Variants in SLC34A3 observed in about 807,000 individuals in gnomAD.
SLC34A3 encodes solute carrier family 34 member 3, also known as sodium-dependent phosphate transport protein 2C.
SLC34A3 carries 60 observed loss-of-function variants against 43.9 expected under a neutral mutation model. The ratio of observed to expected loss-of-function variants is 1.37; its 90% CI spans 1.11 to 1.70. SLC34A3 has a LOEUF of 1.70. SLC34A3 is among the 40% of genes most tolerant of loss of function. SLC34A3 has a pLI of 0.00. For missense variants in SLC34A3, 969 were observed against 823.8 expected (o/e 1.18, Z -2.16); for synonymous variants, 451 against 386.2 (o/e 1.17, Z -1.97).
intron 9 of SLC34A3, 41 bp downstream of exon 9, chr9:137,233,982 C>A (rs1209665771): frequency 6.0e-6 from 9 of 1,490,890 alleles, no homozygotes; most frequent in Non-Finnish European, 8.1e-6. Flanking sequence ...ACCCCCCACA[C>A]TCCCCCTCAC....
chr9:137,233,779 T>TTTGGGC, intron 8 of SLC34A3, 57 bp downstream of exon 8: 5 of 1,445,808 alleles, frequency 3.5e-6, no homozygotes, highest in East Asian at 2.3e-5. Context: ...TGCTGAGTCA[T>TTTGGGC]CCCGCCCCAC....
rs773962161 is a variant in SLC34A3 at position 137,236,339 on chromosome 9, T to C, written c.1723T>C (p.Cys575Arg). Residue 575 changes from cysteine (C) to arginine (R), a missense_variant, in exon 13 of 13, where the codon TGC becomes CGC. Transcript: ENST00000673835. ...GACCCGCTGCTGCCCCTGCAACGTC[T>C]GCAGCCCCCCGAAGGCCACCACCAA... ...LVTRCCPCNV[C>R]SPPKATTKEA... 1.1e-5 allele frequency: 17 copies of C among 1,541,582 alleles called. No individual in the cohort carries two copies. The highest frequency in any genetic ancestry group is 1.4e-5 in the African/African-American group (1 of 72,932).
intron 3 of SLC34A3, 67 bp downstream of exon 3, chr9:137,232,228 G>C (rs1836262483): frequency 2.7e-6 from 4 of 1,477,090 alleles, no homozygotes; most frequent in South Asian, 1.1e-5. Flanking sequence ...TGGGGAGACA[G>C]AGCAGGGTGG....
rs769537586 is a variant in SLC34A3, at chr9:137,233,302, G to A, written c.654G>A (p.Arg218=). ...PLESATALLE[R]LSELALGAAS... ...AGAGCGCCACGGCCCTGCTGGAGAG[G>A]CTAAGTGAGCTAGCCCTGGGTGCCG... Residue 218 remains arginine (R), a synonymous_variant, in exon 7 of 13, where the codon AGG becomes AGA. Transcript: ENST00000673835. The A allele has an allele frequency of 1.1e-5, 17 of 1,595,420 alleles. No homozygotes were observed. In the African/African-American group the frequency reaches 1.7e-4, roughly 16 times the overall value.
Position 137,234,666 on chromosome 9 carries a change from A to G in SLC34A3, c.1270A>G (p.Thr424Ala). ...CCTCTTACTGGGCTCCAACATCGGCACCACTACCACAGCCCTGCTGGCTGC... is the reference window on the plus strand; with the variant it reads ...CCTCTTACTGGGCTCCAACATCGGCGCCACTACCACAGCCCTGCTGGCTGC... The part of the protein sequence containing the change: ...YPLLLGSNIG[T>A]TTTALLAALA... The change falls in exon 12 of 13, where the codon ACC becomes GCC. Residue 424 changes from threonine (T) to alanine (A), a missense_variant. Physicochemically the swap from Thr to Ala is moderately conservative, Grantham distance 58. Transcript: ENST00000673835. The surrounding 1 kb of genome is among the most constrained non-coding windows in gnomAD (Gnocchi z 6.9). 1 of 1,612,296 alleles carries G rather than the reference A, an allele frequency of 6.2e-7. No homozygotes were observed. The highest frequency in any genetic ancestry group is 8.5e-7 in the Non-Finnish European group (1 of 1,179,832).
chr9:137,230,678 T>G (rs1214416802), upstream of SLC34A3: 2 of 152,128 alleles, frequency 1.3e-5, no homozygotes, highest in Non-Finnish European at 2.9e-5. Flanking sequence ...TCGGCCTGAT[T>G]CAGAGCCCAC....
Position 137,233,027 on chromosome 9 carries a change from C to A in SLC34A3, c.472C>A (p.Pro158Thr), listed in dbSNP as rs387907510. 3.7e-6 allele frequency: 6 copies of A among 1,611,816 alleles called. No homozygotes were observed. Among genetic ancestry groups the A allele is most frequent in the Non-Finnish European group, 5.1e-6 (6 of 1,179,836 alleles). The change falls in exon 6 of 13, where the codon CCC becomes ACC. Residue 158 changes from proline (P) to threonine (T), a missense_variant. Pro to Thr is a conservative substitution (Grantham distance 38). Transcript: ENST00000673835. ...AKLLTVRVSV[P>T]IIMGVNVGTS... is the part of the protein sequence containing the mutation. ...AGTGCTGACTGTCCGGGTGTCTGTGCCCATCATCATGGGTGTCAACGTAGG... is the reference window on the plus strand; with the variant it reads ...AGTGCTGACTGTCCGGGTGTCTGTGACCATCATCATGGGTGTCAACGTAGG...
Position 137,236,198 on chromosome 9 carries a change from G to A in SLC34A3, c.1582G>A (p.Val528Ile), listed in dbSNP as rs760634613. Reference sequence around the variant, plus strand: ...TCCCCTGGTGGGGCTGGTGCTCCTCGTCATCCTGGTTACTGTCCTGCAGCG... The same window carrying A: ...TCCCCTGGTGGGGCTGGTGCTCCTCATCATCCTGGTTACTGTCCTGCAGCG... ...GGPLVGLVLL[V>I]ILVTVLQRRR... Residue 528 changes from valine (V) to isoleucine (I), a missense_variant, in exon 13 of 13, where the codon GTC becomes ATC. Physicochemically the swap from Val to Ile is conservative, Grantham distance 29. Transcript: ENST00000673835. 2.7e-5 allele frequency: 43 copies of A among 1,597,054 alleles called. No individual in the cohort carries two copies. Among genetic ancestry groups the A allele is most frequent in the South Asian group, 3.3e-5 (3 of 89,800 alleles).
At position 137,234,792 on chromosome 9, in the gene SLC34A3, G is replaced by A. The variant is rs1264329710; in HGVS notation, c.1335+61G>A. 5 of 1,598,148 alleles carry A rather than the reference G, an allele frequency of 3.1e-6. No homozygotes were observed. The African/African-American group carries it at 6.7e-5, about 21-fold the overall frequency. ...AGCTTCCTCTCAGCCCCACAGACAGGAGTGTGTCACCAGCCCCGGGGCCCT... is the reference window on the plus strand; with the variant it reads ...AGCTTCCTCTCAGCCCCACAGACAGAAGTGTGTCACCAGCCCCGGGGCCCT... On this transcript the variant is annotated intron_variant, in intron 12 of 12. Coordinates refer to ENST00000673835, the MANE Select transcript of SLC34A3 (RefSeq NM_001177316.2). The surrounding 1 kb of genome is among the most constrained non-coding windows in gnomAD (Gnocchi z 6.9).
chr9:137,235,509 ACTC>A (rs1836539167), intron 12 of SLC34A3, among the ~76,000 whole-genome samples: 1 of 151,378 alleles, frequency 6.6e-6, no homozygotes, highest in Non-Finnish European at 1.5e-5. Flanking sequence ...CTGTGTGTGG[ACTC>A]CTCCAAGTCC....
rs1176517424 is a variant in SLC34A3, at chr9:137,234,921, CCCTCCCTGCGTCT to C, written c.1335+198_1335+210del. ...CCACAGGTCCTGCACACATTTCACA[CCCTCCCTGCGTCT>C]CCTCCCTTGAGACCTCCTCACTTCC... On this transcript the variant is annotated intron_variant, in intron 12 of 12. Transcript: ENST00000673835. The surrounding 1 kb of genome is among the most constrained non-coding windows in gnomAD (Gnocchi z 6.9). Among the ~76,000 whole-genome samples, 8 of 152,126 alleles carry C rather than the reference CCCTCCCTGCGTCT, an allele frequency of 5.3e-5. No individual in the cohort carries two copies. Among genetic ancestry groups the C allele is most frequent in the Non-Finnish European group, 1.5e-5 (1 of 67,998 alleles).
chr9:137,234,448 T>C lies in SLC34A3; in HGVS notation c.1126T>C (p.Tyr376His), dbSNP rs1217310749. 3 of 1,599,270 alleles carry C rather than the reference T, an allele frequency of 1.9e-6. No homozygotes were observed. Among genetic ancestry groups the C allele is most frequent in the Non-Finnish European group, 2.5e-6 (3 of 1,179,272 alleles). The part of the protein sequence containing the change: ...FPFPLGWLGG[Y>H]LAVLAGAGLT... Reference sequence around the variant, plus strand: ...CTTCCCGCTGGGCTGGCTCGGCGGCTACCTGGCCGTCCTCGCGGGCGCCGG... The same window carrying C: ...CTTCCCGCTGGGCTGGCTCGGCGGCCACCTGGCCGTCCTCGCGGGCGCCGG... The change falls in exon 11 of 13, where the codon TAC becomes CAC. Residue 376 changes from tyrosine (Y) to histidine (H), a missense_variant. Physicochemically the swap from Tyr to His is moderately conservative, Grantham distance 83. Coordinates refer to ENST00000673835, the MANE Select transcript of SLC34A3 (RefSeq NM_001177316.2). The surrounding 1 kb of genome is among the most constrained non-coding windows in gnomAD (Gnocchi z 6.9).
rs2131408166 is a variant in SLC34A3, at chr9:137,233,090, T to G, written c.535T>G (p.Ser179Ala). 6.2e-7 allele frequency: 1 copy of G among 1,603,396 alleles called. No individual in the cohort carries two copies. Among genetic ancestry groups the G allele is most frequent in the Middle Eastern group, 2.1e-4 (1 of 4,822 alleles). Reference sequence around the variant, plus strand: ...CAGCACCCTGGTCTCAATGGCGCAGTCAGGGGACCGGGATGAATTTCAGAG... The same window carrying G: ...CAGCACCCTGGTCTCAATGGCGCAGGCAGGGGACCGGGATGAATTTCAGAG... Reference protein sequence around the residue: ...ITSTLVSMAQSGDRDEFQRAF... With the variant: ...ITSTLVSMAQAGDRDEFQRAF... Residue 179 changes from serine to alanine, a missense_variant, in exon 6 of 13, where the codon TCA becomes GCA. Physicochemically the swap from Ser to Ala is moderately conservative, Grantham distance 99. Coordinates refer to ENST00000673835, the MANE Select transcript of SLC34A3 (RefSeq NM_001177316.2).
chr9:137,234,489 G>T lies in SLC34A3; in HGVS notation c.1167G>T (p.Leu389=), dbSNP rs1320690916. ...CGGGCGCCGGCCTGACCTTCGCACT[G>T]CAGAGCAGCAGCGTCTTCACGGCGG... ...VLAGAGLTFA[L]QSSSVFTAAV... The change falls in exon 11 of 13, where the codon CTG becomes CTT. Residue 389 remains leucine (L), a synonymous_variant. Coordinates refer to ENST00000673835, the MANE Select transcript of SLC34A3 (RefSeq NM_001177316.2). This position sits in a 1 kb window ranked among gnomAD's most constrained non-coding sequence, Gnocchi z 6.9. 3 of 1,603,256 alleles carry T rather than the reference G, an allele frequency of 1.9e-6. No individual in the cohort carries two copies. The highest frequency in any genetic ancestry group is 2.5e-6 in the Non-Finnish European group (3 of 1,179,104).
At position 137,233,557 on chromosome 9, in the gene SLC34A3, A is replaced by AC. The variant is rs1836374494; in HGVS notation, c.757-72dup. 2.6e-6 allele frequency: 4 copies of AC among 1,560,782 alleles called. No homozygotes were observed. In the Admixed American group the frequency reaches 6.7e-5, roughly 26 times the overall value. ...GCAGCAGTGGGCAGGGCTGGGCTGG[A>AC]CCCCGCGGGCGCCAGAGCCCCGGGT... On this transcript the variant is annotated intron_variant, in intron 7 of 12. Transcript: ENST00000673835.
chr9:137,233,855 C>T lies in SLC34A3; in HGVS notation c.847-8C>T. 6.2e-7 allele frequency: 1 copy of T among 1,607,376 alleles called. No homozygotes were observed. Among genetic ancestry groups the T allele is most frequent in the Non-Finnish European group, 8.5e-7 (1 of 1,178,186 alleles). On this transcript the variant is annotated splice_region_variant and splice_polypyrimidine_tract_variant and intron_variant, in intron 8 of 12. Transcript: ENST00000673835. ...GAGCCTGTCCTGAGTCCTCCCTGCC[C>T]TCCCCAGACCCAGGAGAACAGCAGC... is the stretch of plus-strand genomic sequence containing the variant.
Position 137,232,113 on chromosome 9 carries a change from G to C in SLC34A3, c.127G>C (p.Asp43His). 6.2e-7 allele frequency: 1 copy of C among 1,613,218 alleles called. No individual in the cohort carries two copies. The highest frequency in any genetic ancestry group is 1.1e-5 in the South Asian group (1 of 91,088). Residue 43 changes from aspartate (D) to histidine (H), a missense_variant, in exon 3 of 13, where the codon GAC (aspartate) becomes CAC (histidine). Asp to His is a moderately conservative substitution (Grantham distance 81). Coordinates refer to ENST00000673835, the MANE Select transcript of SLC34A3 (RefSeq NM_001177316.2). ...SAPVLEEGDT[D>H]PWTLPQLKDT... Reference sequence around the variant, plus strand: ...TCCAGTCTTGGAGGAAGGGGACACAGACCCCTGGACCCTCCCTCAGCTGAA... The same window carrying C: ...TCCAGTCTTGGAGGAAGGGGACACACACCCCTGGACCCTCCCTCAGCTGAA...
chr9:137,234,219 C>T lies in SLC34A3; in HGVS notation c.1036C>T (p.Leu346Phe), dbSNP rs1402882008. 1.9e-6 allele frequency: 3 copies of T among 1,609,160 alleles called. No individual in the cohort carries two copies. Among genetic ancestry groups the T allele is most frequent in the Non-Finnish European group, 2.5e-6 (3 of 1,178,896 alleles). The change falls in exon 10 of 13, where the codon CTC becomes TTC. Residue 346 changes from leucine (L) to phenylalanine (F), a missense_variant. Coordinates refer to ENST00000673835, the MANE Select transcript of SLC34A3 (RefSeq NM_001177316.2). The surrounding 1 kb of genome is among the most constrained non-coding windows in gnomAD (Gnocchi z 6.9). ...CTGCCTGGTCCTCATAGTCAAGCTG[C>T]TCAACTCTGTGCTGCGCGGCCGCGT... ...CGCLVLIVKL[L>F]NSVLRGRVAQ...
chr9:137,235,616 T>C (rs1260496830), intron 12 of SLC34A3, among the ~76,000 whole-genome samples: 1 of 152,098 alleles, frequency 6.6e-6, no homozygotes, highest in Non-Finnish European at 1.5e-5. Flanking sequence ...CTCAGCACAC[T>C]GGGGACTGAG....
Sources: gnomAD v4.1 joint callset for allele counts (sites outside exome capture counted in the v4.1 genomes callset) on GRCh38, gnomAD v4.1.1 for gene constraint, Gnocchi (gnomAD v3.1) non-coding constraint, MANE v1.5 for transcripts, NCBI Gene and HGNC (gene_info 2026-07-23, HGNC 2026-07-21) for gene names.